GSDMA: variants seen among roughly 807,000 people sequenced by gnomAD.
GSDMA encodes the protein gasdermin A, also known as gasdermin-A.
GSDMA carries 55 observed loss-of-function variants against 54.3 expected under a neutral mutation model. That is an observed-to-expected ratio of 1.01 (90% CI 0.82 to 1.27). The LOEUF (loss-of-function observed/expected upper bound fraction) is 1.27. Ranked by LOEUF, GSDMA falls within the 50% of genes most tolerant of loss-of-function variation. The pLI is 0.00. For synonymous variants in GSDMA, 211 were observed against 224.7 expected (o/e 0.94, Z 0.54); for missense variants, 542 against 542.6 (o/e 1.00, Z 0.01).
At chr17:39,968,497 G>A (rs1252628306) in intron 3 of GSDMA, among the ~76,000 whole-genome samples, 9 of 151,624 alleles carry the variant, frequency 5.9e-5, no homozygotes, top group East Asian at 3.9e-4. Context: ...GCAGGCGCAC[G>A]CCACTACATC....
chr17:39,974,094 G>T (rs900753303), intron 8 of GSDMA, among the ~76,000 whole-genome samples, 179 bp from the exon 9 acceptor site: 1 of 152,150 alleles, frequency 6.6e-6, no homozygotes, highest in Non-Finnish European at 1.5e-5. Flanking sequence ...CTCAGGTTAG[G>T]GTTGGTGGAT....
intron 11 of GSDMA, among the ~76,000 whole-genome samples, 158 bp downstream of exon 11, chr17:39,976,155 G>C (rs1227381962): frequency 6.6e-6 from 1 of 152,004 alleles, no homozygotes; most frequent in Non-Finnish European, 1.5e-5. Flanking sequence ...CTCATTTTTT[G>C]TTATTTCACA....
rs774099535 is a variant in GSDMA, at chr17:39,966,437, G to A, written c.392G>A (p.Arg131Lys). 88 of 1,596,634 alleles carry A rather than the reference G, an allele frequency of 5.5e-5. 1 individual carries two copies. The Admixed American group carries it at 1.6e-3, about 29-fold the overall frequency. Reference sequence around the variant, plus strand: ...AAGGCCCTGGAGACCGTGCAGGAGAGGTGAGAGTGGGCGGGACTGAGGGTC... The same window carrying A: ...AAGGCCCTGGAGACCGTGCAGGAGAAGTGAGAGTGGGCGGGACTGAGGGTC... The part of the protein sequence containing the change: ...APKALETVQE[R>K]KLAADHPFLK... Residue 131 changes from arginine (R) to lysine (K), a missense_variant and splice_region_variant, in exon 3 of 12, where the codon AGG (arginine) becomes AAG (lysine). Coordinates refer to ENST00000301659, the MANE Select transcript of GSDMA (RefSeq NM_178171.5).
chr17:39,973,257 G>A (rs930325930), intron 7 of GSDMA, among the ~76,000 whole-genome samples: 21 of 146,696 alleles, frequency 1.4e-4, no homozygotes, highest in Admixed American at 6.2e-4. Flanking sequence ...ACAGGCGTGA[G>A]CCACGGCGCC....
chr17:39,968,339 C>CTTTTTTTTTTGTTTTTTTTTTTTTTT (rs1979767225), intron 3 of GSDMA, among the ~76,000 whole-genome samples: 1 of 41,358 alleles, frequency 2.4e-5, no homozygotes, highest in African/African-American at 1.6e-4. Context: ...TGAGCCCGGT[C>CTTTTTTTTTTGTTTTTTTTTTTTTTT]TTTTTTTTTT....
Position 39,974,272 on chromosome 17 carries a change from G to T in GSDMA, c.752-1G>T. 6.2e-7 allele frequency: 1 copy of T among 1,608,666 alleles called. No individual in the cohort carries two copies. The highest frequency in any genetic ancestry group is 1.1e-5 in the South Asian group (1 of 89,886). ...TGTGTGTCCCATTATTGTCCCCATA[G>T]GGGACGTACACGAAGGCTTCAGGAC... On this transcript the variant is annotated splice_acceptor_variant, in intron 8 of 11. Transcript: ENST00000301659. LOFTEE classifies it high-confidence loss of function.
At chr17:39,975,634 G>A (rs1295392688) in intron 10 of GSDMA, among the ~76,000 whole-genome samples, 4 of 152,160 alleles carry the variant, frequency 2.6e-5, no homozygotes, top group African/African-American at 4.8e-5. Flanking sequence ...ACTTCAGGGA[G>A]TAACATTTTC....
intron 11 of GSDMA, 84 bp downstream of exon 11, chr17:39,976,081 C>T (rs1568132949): frequency 1.1e-6 from 1 of 928,622 alleles, no homozygotes; most frequent in Non-Finnish European, 1.7e-6. Context: ...AGGATGGAGC[C>T]ATTCTGGAGG....
At chr17:39,965,619 A>G in intron 1 of GSDMA, 64 bp from the exon 2 acceptor site, 1 of 1,258,536 alleles carries the variant, frequency 7.9e-7, no homozygotes, top group Non-Finnish European at 1.1e-6. Flanking sequence ...CCCAGCCTAT[A>G]TCCCGGGCTC....
At chr17:39,969,268 T>C (rs531465389) in intron 3 of GSDMA, among the ~76,000 whole-genome samples, 2 of 150,572 alleles carry the variant, frequency 1.3e-5, no homozygotes, top group Non-Finnish European at 2.9e-5. Context: ...GGGGATCACT[T>C]AAGCCCAAGA....
At chr17:39,974,237 G>T in intron 8 of GSDMA, 36 bp from the exon 9 acceptor site, 1 of 1,574,848 alleles carries the variant, frequency 6.3e-7, no homozygotes, top group South Asian at 1.2e-5. Flanking sequence ...GAAGGTGCCC[G>T]ATGGAGGGCT....
chr17:39,975,136 T>G (rs1980146899), intron 10 of GSDMA, 122 bp downstream of exon 10: 2 of 666,488 alleles, frequency 3.0e-6, no homozygotes, highest in Admixed American at 5.0e-5. Flanking sequence ...GTTAAGTAGT[T>G]TATATCTACA....
At chr17:39,964,699 G>A (rs1186005815) in intron 1 of GSDMA, among the ~76,000 whole-genome samples, 2 of 152,184 alleles carry the variant, frequency 1.3e-5, no homozygotes, top group Non-Finnish European at 2.9e-5. Context: ...CATGGAAAGG[G>A]CAACTGGGGC....
Position 39,974,374 on chromosome 17 carries a change from T to A in GSDMA, c.853T>A (p.Ser285Thr). Residue 285 changes from serine to threonine, a missense_variant, in exon 9 of 12, where the codon TCC becomes ACC. Transcript: ENST00000301659. The stretch of plus-strand genomic sequence containing the variant: ...AGTAGGGCAAAGCTCCCTGCTCAGC[T>A]CCCTCAGCAAACTTCTAGGGAAGAA... ...SRVGQSSLLS[S>T]LSKLLGKKKE... 1 of 1,598,430 alleles carries A rather than the reference T, an allele frequency of 6.3e-7. No homozygotes were observed. The highest frequency in any genetic ancestry group is 8.5e-7 in the Non-Finnish European group (1 of 1,172,650).
chr17:39,969,196 C>T (rs774660345), intron 3 of GSDMA, among the ~76,000 whole-genome samples: 2 of 151,750 alleles, frequency 1.3e-5, no homozygotes, highest in Non-Finnish European at 2.9e-5. Context: ...CCACAAAAAA[C>T]GCAATATTAG....
chr17:39,977,445 C>T lies in GSDMA; in HGVS notation c.*387C>T, dbSNP rs185212011. The T allele has an allele frequency of 1.8e-3, 295 of 168,526 alleles. No individual in the cohort carries two copies. The highest frequency in any genetic ancestry group is 6.7e-3 in the African/African-American group (279 of 41,644). 10.4% of individuals were successfully genotyped at this position (168,526 alleles called of 1,614,324 possible). A position where few individuals can be genotyped will look rare whatever the true frequency, so the allele number is the denominator to read the frequency against. On this transcript the variant is annotated 3_prime_UTR_variant, in exon 12 of 12. Coordinates refer to ENST00000301659, the MANE Select transcript of GSDMA (RefSeq NM_178171.5). ...CAGCTGGAATTACAGGCACGTGCCA[C>T]GACACCCAGCTAATTTTTGTATTTT...
intron 1 of GSDMA, among the ~76,000 whole-genome samples, 158 bp downstream of exon 1, chr17:39,963,243 C>G (rs1050876637): frequency 3.9e-5 from 6 of 151,980 alleles, no homozygotes; most frequent in Non-Finnish European, 7.4e-5. Flanking sequence ...GGACATCTCT[C>G]TGGTGAAGAG....
intron 3 of GSDMA, among the ~76,000 whole-genome samples, chr17:39,969,373 G>A (rs890838621): frequency 6.6e-6 from 1 of 151,230 alleles, no homozygotes; most frequent in Non-Finnish European, 1.5e-5. Context: ...AAAACTATAG[G>A]AGTGAGTTGG....
At chr17:39,965,651 CT>C (rs1411246221) in intron 1 of GSDMA, 31 bp from the exon 2 acceptor site, 1 of 1,550,126 alleles carries the variant, frequency 6.5e-7, no homozygotes, top group South Asian at 1.2e-5. Flanking sequence ...TGGCAGCCAC[CT>C]TGACACTCTC....
Sources: allele counts gnomAD v4.1 joint callset (sites outside exome capture counted in the v4.1 genomes callset), GRCh38; gene constraint gnomAD v4.1.1; transcripts MANE v1.5; gene names NCBI Gene and HGNC (gene_info 2026-07-23, HGNC 2026-07-21).